The following PPP2R3B variants were observed in gnomAD, a reference collection of about 807,000 sequenced individuals.
The protein encoded by PPP2R3B is serine/threonine-protein phosphatase 2A regulatory subunit B'' subunit beta.
In PPP2R3B, 68 loss-of-function variants were observed where a neutral mutation model predicts 72.9. That is an observed-to-expected ratio of 0.93 (90% CI 0.77 to 1.14). The LOEUF (loss-of-function observed/expected upper bound fraction) is 1.14, where lower values mean the gene tolerates loss of function less well. PPP2R3B is among the 50% of genes most tolerant of loss of function. PPP2R3B has a pLI of 0.00. For missense variants in PPP2R3B, 1,018 were observed against 842.0 expected (o/e 1.21, Z -2.59); for synonymous variants, 466 against 375.8 (o/e 1.24, Z -2.78).
At chrX:369,489 A>G (rs980108128) in intron 1 of PPP2R3B, among the ~76,000 whole-genome samples, 1 of 152,164 alleles carries the variant, frequency 6.6e-6, no homozygotes, top group Admixed American at 6.5e-5. Context: ...GTACACCCAC[A>G]GTTTTGCAAA....
At chrX:381,277 C>T (rs1267353934) in intron 1 of PPP2R3B, among the ~76,000 whole-genome samples, 5 of 152,132 alleles carry the variant, frequency 3.3e-5, no homozygotes. Context: ...GGGAAGGAGC[C>T]ACTGCAAGCA....
intron 1 of PPP2R3B, among the ~76,000 whole-genome samples, chrX:363,257 G>C (rs1292393097): frequency 2.2e-3 from 223 of 100,232 alleles, no homozygotes; most frequent in Middle Eastern, 6.1e-3. Flanking sequence ...CCGAGCCCAT[G>C]ATCCCGCAGT....
intron 12 of PPP2R3B, 72 bp downstream of exon 12, chrX:338,531 CA>C: frequency 2.6e-6 from 1 of 379,664 alleles, no homozygotes; most frequent in South Asian, 5.9e-5. Context: ...CCCGTCCTCC[CA>C]CTCACCCGTC....
intron 2 of PPP2R3B, among the ~76,000 whole-genome samples, chrX:360,151 A>T (rs1364220808): frequency 6.6e-6 from 1 of 152,226 alleles, no homozygotes; most frequent in African/African-American, 2.4e-5. Context: ...GATGAGACAC[A>T]GCGACCATGC....
intron 1 of PPP2R3B, among the ~76,000 whole-genome samples, chrX:370,896 T>C (rs1264760291): frequency 2.0e-5 from 3 of 152,178 alleles, no homozygotes; most frequent in South Asian, 2.1e-4. Flanking sequence ...CTTTCAGCCA[T>C]GCGTGGTGCC....
At chrX:374,014 G>T (rs1055767357) in intron 1 of PPP2R3B, 1 of 152,546 alleles carries the variant, frequency 6.6e-6, no homozygotes, top group East Asian at 1.9e-4. Context: ...GGCCGGGCAA[G>T]GGGGCGCTTT....
At chrX:335,607 G>C (rs1487806404) in intron 12 of PPP2R3B, 1 of 152,206 alleles carries the variant, frequency 6.6e-6, no homozygotes, top group Non-Finnish European at 1.5e-5. Context: ...AAATCAGAAG[G>C]CCGCGGGCTG....
At chrX:360,891 G>T (rs2071523997) in intron 2 of PPP2R3B, among the ~76,000 whole-genome samples, 1 of 152,214 alleles carries the variant, frequency 6.6e-6, no homozygotes, top group South Asian at 2.1e-4. Flanking sequence ...AGCTGAGAAG[G>T]AAAGCAGGCG....
intron 1 of PPP2R3B, among the ~76,000 whole-genome samples, chrX:362,613 CAG>C (rs1363418625): frequency 6.6e-6 from 1 of 151,698 alleles, no homozygotes; most frequent in Non-Finnish European, 1.5e-5. Context: ...ATCAACTACT[CAG>C]GGGACGGGGC....
intron 1 of PPP2R3B, among the ~76,000 whole-genome samples, chrX:373,053 C>CT (rs1411775598): frequency 6.6e-6 from 1 of 152,184 alleles, no homozygotes; most frequent in Non-Finnish European, 1.5e-5. Context: ...GGAAGGAATG[C>CT]TGGGTATTGC....
intron 1 of PPP2R3B, chrX:362,143 G>A (rs1279213333): frequency 1.2e-5 from 2 of 168,988 alleles, no homozygotes; most frequent in South Asian, 1.4e-4. Flanking sequence ...GTACTGCTGC[G>A]GACACGCCTC....
Position 340,944 on chromosome X carries a change from C to A in PPP2R3B, c.1176-4G>T. The A allele has an allele frequency of 1.2e-6, 2 of 1,607,768 alleles. No homozygotes were observed. Among genetic ancestry groups the A allele is most frequent in the Non-Finnish European group, 8.5e-7 (1 of 1,176,742 alleles). ...GCAGCGGAACCAGTACTCGATGCTG[C>A]GGCACGGCGAGCTCTGTCAGCCCCT... On this transcript the variant is annotated splice_region_variant and splice_polypyrimidine_tract_variant and intron_variant, in intron 9 of 12. Transcript: ENST00000390665.
Position 334,179 on chromosome X carries a change from CT to C in PPP2R3B, c.*187del, listed in dbSNP as rs2070820695. On this transcript the variant is annotated 3_prime_UTR_variant, in exon 13 of 13. Coordinates refer to ENST00000390665, the MANE Select transcript of PPP2R3B (RefSeq NM_013239.5). ...TTCACGCGCGGCCCTACGTGTCCCC[CT>C]GGCACAGAGCTCTGGGCAGGTCCAG... The C allele has an allele frequency of 1.6e-6, 1 of 618,296 alleles. No individual in the cohort carries two copies. 38.3% of individuals were successfully genotyped at this position (618,296 alleles called of 1,614,324 possible). A position where few individuals can be genotyped will look rare whatever the true frequency, so the allele number is the denominator to read the frequency against.
chrX:353,833 AGACCGGGGCTCGCCCAGG>A (rs1218652330), intron 2 of PPP2R3B, among the ~76,000 whole-genome samples: 1 of 134,722 alleles, frequency 7.4e-6, no homozygotes, highest in East Asian at 2.3e-4. Context: ...GCTCGCCCAA[AGACCGGGGCTCGCCCAGG>A]GACCGGGGGC....
chrX:361,012 C>T (rs1205780150), intron 2 of PPP2R3B, among the ~76,000 whole-genome samples: 2 of 152,290 alleles, frequency 1.3e-5, no homozygotes, highest in African/African-American at 4.8e-5. Flanking sequence ...GGCCGCTCCT[C>T]GGGCAGAAAG....
At chrX:370,363 G>A (rs1288123871) in intron 1 of PPP2R3B, among the ~76,000 whole-genome samples, 1 of 152,168 alleles carries the variant, frequency 6.6e-6, no homozygotes, top group Non-Finnish European at 1.5e-5. Flanking sequence ...ACGTCGGCTG[G>A]GGCCTGCACC....
Position 334,215 on chromosome X carries a change from C to T in PPP2R3B, c.*152G>A, listed in dbSNP as rs1302516045. 13 of 977,632 alleles carry T rather than the reference C, an allele frequency of 1.3e-5. No individual in the cohort carries two copies. The highest frequency in any genetic ancestry group is 1.5e-5 in the Non-Finnish European group (11 of 723,708). The allele number at this position is 977,632 out of a possible 1,614,324, so 60.6% of individuals were successfully genotyped here. On this transcript the variant is annotated 3_prime_UTR_variant, in exon 13 of 13. Coordinates refer to ENST00000390665, the MANE Select transcript of PPP2R3B (RefSeq NM_013239.5). Reference sequence around the variant, plus strand: ...CTCTGGGCAGGTCCAGCCACGAACCCACAGCGGCAATCAACACGCTTCTGT... The same window carrying T: ...CTCTGGGCAGGTCCAGCCACGAACCTACAGCGGCAATCAACACGCTTCTGT...
At chrX:341,495 CG>C (rs2071074920) in intron 8 of PPP2R3B, 99 bp from the exon 9 acceptor site, 2 of 1,300,070 alleles carry the variant, frequency 1.5e-6, no homozygotes, top group Admixed American at 3.4e-5. Flanking sequence ...GGGAGCCCCC[CG>C]GGCCCGGCCC....
chrX:370,297 A>C (rs185967309), intron 1 of PPP2R3B, among the ~76,000 whole-genome samples: 2 of 152,144 alleles, frequency 1.3e-5, no homozygotes, highest in Non-Finnish European at 2.9e-5. Flanking sequence ...GTGGGCTAAC[A>C]TTCACTCAGA....
Sources: allele counts gnomAD v4.1 joint callset (sites outside exome capture counted in the v4.1 genomes callset), GRCh38; gene constraint gnomAD v4.1.1; transcripts MANE v1.5; gene names NCBI Gene and HGNC (gene_info 2026-07-23, HGNC 2026-07-21).